The following CECR2 variants were observed in gnomAD, a reference collection of about 807,000 sequenced individuals.
CECR2 encodes the protein CECR2 histone acetyl-lysine reader.
A neutral mutation model predicts 154.5 loss-of-function variants in CECR2; 30 were observed. That is an observed-to-expected ratio of 0.19 (90% CI 0.15 to 0.26). The LOEUF is 0.26. Among genes scored for constraint, CECR2 ranks in the 10% least tolerant of loss-of-function variants. The probability of loss-of-function intolerance (pLI) is 1.00; values close to 1 mark genes in which losing one functional copy is unlikely to be tolerated. For synonymous variants in CECR2, 725 were observed against 683.7 expected (o/e 1.06, Z -0.94); for missense variants, 1,743 against 1,829.3 (o/e 0.95, Z 0.86).
intron 9 of CECR2, among the ~76,000 whole-genome samples, chr22:17,529,090 T>A (rs936162384): frequency 3.3e-5 from 5 of 152,082 alleles, no homozygotes; most frequent in Non-Finnish European, 7.4e-5. Flanking sequence ...AGCAAAACCC[T>A]GTCTCAGACA....
In CECR2 at chr22:17,405,588, C is replaced by T. The variant is rs4819451; in HGVS notation, c.126+35679C>T. 9.7e-5 allele frequency among the ~76,000 whole-genome samples: 14 copies of T among 143,876 alleles called. No homozygotes were observed. In the East Asian group the frequency reaches 1.8e-3, roughly 19 times the overall value. The allele number at this position is 143,876 out of a possible 152,430, so 94.4% of individuals were successfully genotyped here. ...CTAGGAGGCAGAGGTTGCAGTGAGC[C>T]GAGATCGTGCCACTGCATTCCAGCC... On this transcript the variant is annotated intron_variant, in intron 1 of 18. Transcript: ENST00000262608.
intron 1 of CECR2, among the ~76,000 whole-genome samples, chr22:17,373,948 AATTG>A (rs1444671615): frequency 5.9e-5 from 9 of 152,328 alleles, no homozygotes; most frequent in African/African-American, 2.2e-4. Context: ...AAGAAAGGCT[AATTG>A]ACCTCTCCAA....
At chr22:17,511,095 G>A (rs2055942092) in intron 7 of CECR2, among the ~76,000 whole-genome samples, 1 of 152,214 alleles carries the variant, frequency 6.6e-6, no homozygotes, top group Admixed American at 6.5e-5. Context: ...CGGAAGTTAT[G>A]TTATCTTAAG....
chr22:17,399,416 A>G (rs1452113016), intron 1 of CECR2, among the ~76,000 whole-genome samples: 1 of 126,390 alleles, frequency 7.9e-6, no homozygotes, highest in Non-Finnish European at 1.7e-5. Context: ...AGTAATGGTG[A>G]TTTTTTTTTT....
chr22:17,442,510 A>T (rs910409895), intron 1 of CECR2, among the ~76,000 whole-genome samples: 13 of 152,158 alleles, frequency 8.5e-5, no homozygotes, highest in Admixed American at 3.3e-4. Flanking sequence ...CAGGAGTTCA[A>T]GGCTTGCAGT....
At position 17,497,537 on chromosome 22, in the gene CECR2, G is replaced by A. The variant is rs755579495; in HGVS notation, c.356G>A (p.Arg119Gln). The A allele has an allele frequency of 1.1e-5, 17 of 1,613,808 alleles. No homozygotes were observed. The East Asian group carries it at 1.1e-4, about 11-fold the overall frequency. Residue 119 changes from arginine to glutamine, a missense_variant, in exon 3 of 19, where the codon CGA becomes CAA. By Grantham distance (43) the Arg-to-Gln change is conservative (BLOSUM62 1). This residue lies in a region of CECR2 where 98 missense variants were observed against 169.3 expected (regional missense o/e 0.58). Transcript: ENST00000262608. ...CGCACACGGGTGGAGATCCTGCACC[G>A]ACTCTGTGATTACCGGCTGGATGCA... is the stretch of plus-strand genomic sequence containing the variant. The part of the protein sequence containing the change: ...PLRTRVEILH[R>Q]LCDYRLDADD...
At chr22:17,423,231 A>G (rs2054283235) in intron 1 of CECR2, among the ~76,000 whole-genome samples, 1 of 151,970 alleles carries the variant, frequency 6.6e-6, no homozygotes, top group Non-Finnish European at 1.5e-5. Context: ...AACTTCACAC[A>G]TGCTTCTCTG....
At chr22:17,464,077 G>A (rs999900728) in intron 1 of CECR2, among the ~76,000 whole-genome samples, 1 of 152,192 alleles carries the variant, frequency 6.6e-6, no homozygotes, top group African/African-American at 2.4e-5. Flanking sequence ...CTTGGTTGCA[G>A]TACAATGGTG....
At chr22:17,364,066 G>A (rs1383467799) in intron 1 of CECR2, among the ~76,000 whole-genome samples, 2 of 151,974 alleles carry the variant, frequency 1.3e-5, no homozygotes, top group African/African-American at 2.4e-5. Flanking sequence ...CCATACTCCC[G>A]GGCGCGGTGG....
At chr22:17,426,800 C>T (rs2054337720) in intron 1 of CECR2, among the ~76,000 whole-genome samples, 1 of 152,066 alleles carries the variant, frequency 6.6e-6, no homozygotes, top group South Asian at 2.1e-4. Context: ...GTCTTCGGTT[C>T]TCTCTGTGTC....
chr22:17,508,480 G>A (rs921415250), intron 7 of CECR2, among the ~76,000 whole-genome samples: 1 of 152,030 alleles, frequency 6.6e-6, no homozygotes, highest in African/African-American at 2.4e-5. Flanking sequence ...GTCTGGGATT[G>A]TAAGTAGTAG....
chr22:17,540,907 T>C, intron 14 of CECR2, 107 bp downstream of exon 14: 6 of 1,220,284 alleles, frequency 4.9e-6, no homozygotes, highest in Non-Finnish European at 6.6e-6. Flanking sequence ...CGTGTATGTA[T>C]GGAATCTTTT....
chr22:17,419,604 A>T, intron 1 of CECR2: 1 of 319,174 alleles, frequency 3.1e-6, no homozygotes, highest in Non-Finnish European at 6.2e-6. Context: ...TCTCCACTGG[A>T]GGTGGGAGCT....
At chr22:17,529,205 G>T (rs1271572507) in intron 9 of CECR2, among the ~76,000 whole-genome samples, 1 of 152,216 alleles carries the variant, frequency 6.6e-6, no homozygotes, top group Non-Finnish European at 1.5e-5. Flanking sequence ...GCAGAGGCAC[G>T]GAGGCAGGGA....
chr22:17,482,847 CT>C (rs1569111425), intron 2 of CECR2, among the ~76,000 whole-genome samples: 2 of 150,090 alleles, frequency 1.3e-5, no homozygotes, highest in Admixed American at 1.3e-4. Context: ...CACCTTGCTA[CT>C]TTTTTTGTAT....
At chr22:17,529,596 A>G (rs1021036414) in intron 9 of CECR2, among the ~76,000 whole-genome samples, 1 of 151,806 alleles carries the variant, frequency 6.6e-6, no homozygotes, top group Admixed American at 6.6e-5. Flanking sequence ...GCTACTCGGG[A>G]GGCTGAGGCG....
rs78857836 is a variant in CECR2, at chr22:17,450,556, C to T, written c.127-27032C>T. Among the ~76,000 whole-genome samples the T allele has an allele frequency of 2.9e-3, 443 of 152,256 alleles. 6 individuals are homozygous for T. In the East Asian group the frequency reaches 0.046, roughly 16 times the overall value. ...AGTGCTGGGATTACAGGCGTGAGCC[C>T]ACCTCACTTAAAACATTGAAACAGT... On this transcript the variant is annotated intron_variant, in intron 1 of 18. Transcript: ENST00000262608.
At chr22:17,452,158 C>T (rs901577251) in intron 1 of CECR2, among the ~76,000 whole-genome samples, 16 of 152,198 alleles carry the variant, frequency 1.1e-4, no homozygotes, top group African/African-American at 3.9e-4. Flanking sequence ...CTGCAACCTC[C>T]ACCTCCTGGG....
chr22:17,396,618 T>C (rs1411183565), intron 1 of CECR2, among the ~76,000 whole-genome samples: 1 of 152,192 alleles, frequency 6.6e-6, no homozygotes, highest in African/African-American at 2.4e-5. Context: ...ATAAAATGGG[T>C]AAGAGTGAAG....
Sources: allele counts gnomAD v4.1 joint callset (sites outside exome capture counted in the v4.1 genomes callset), GRCh38; gene constraint gnomAD v4.1.1; regional missense constraint gnomAD v4.1.1; transcripts MANE v1.5; gene names NCBI Gene and HGNC (gene_info 2026-07-23, HGNC 2026-07-21).